The following JAM3 variants were observed in gnomAD, a reference collection of about 807,000 sequenced individuals.
The protein encoded by JAM3 is junctional adhesion molecule C.
A neutral mutation model predicts 39.4 loss-of-function variants in JAM3; 31 were observed. The observed-to-expected ratio is 0.79, with a 90% CI of 0.59 to 1.06. The LOEUF is 1.06. Among genes scored for constraint, JAM3 ranks in the 50% least tolerant of loss-of-function variants. The pLI, the probability that JAM3 is intolerant of heterozygous loss-of-function variation, is 0.00. For synonymous variants in JAM3, 182 were observed against 148.7 expected (o/e 1.22, Z -1.63); for missense variants, 455 against 391.4 (o/e 1.16, Z -1.37).
intron 1 of JAM3, 78 bp downstream of exon 1, chr11:134,069,237 C>T (rs1941446813): frequency 6.5e-7 from 1 of 1,541,464 alleles, no homozygotes; most frequent in Non-Finnish European, 8.8e-7. Flanking sequence ...GCTGCTGGAG[C>T]CGGTCCGGGC....
chr11:134,135,277 T>G (rs768888783), intron 1 of JAM3, among the ~76,000 whole-genome samples: 3 of 152,236 alleles, frequency 2.0e-5, no homozygotes, highest in Non-Finnish European at 4.4e-5. Context: ...AGGTTGTCCT[T>G]TCTCCATTAA....
intron 1 of JAM3, among the ~76,000 whole-genome samples, chr11:134,102,939 C>T (rs1216890589): frequency 6.6e-6 from 1 of 152,178 alleles, no homozygotes; most frequent in Non-Finnish European, 1.5e-5. Flanking sequence ...AAACACTCTG[C>T]AGGATATTAT....
Position 134,149,393 on chromosome 11 carries a change from C to G in JAM3, c.*212C>G. 2 of 637,016 alleles carry G rather than the reference C, an allele frequency of 3.1e-6. No individual in the cohort carries two copies. Among genetic ancestry groups the G allele is most frequent in the Non-Finnish European group, 5.6e-6 (2 of 359,768 alleles). 39.5% of individuals were successfully genotyped at this position (637,016 alleles called of 1,614,324 possible). A position where few individuals can be genotyped will look rare whatever the true frequency, so the allele number is the denominator to read the frequency against. ...CTCAAGATGGACCCGGTAAATATAA[C>G]CACAAGGAAGCGAAACTGGGTGCGT... On this transcript the variant is annotated 3_prime_UTR_variant, in exon 9 of 9. Coordinates refer to ENST00000299106, the MANE Select transcript of JAM3 (RefSeq NM_032801.5).
chr11:134,093,059 T>C, intron 1 of JAM3, among the ~76,000 whole-genome samples: 1 of 136,274 alleles, frequency 7.3e-6, no homozygotes. Flanking sequence ...TTCATCATGT[T>C]CCACCTTACA....
chr11:134,117,992 C>T (rs574392837), intron 1 of JAM3, among the ~76,000 whole-genome samples: 1 of 152,322 alleles, frequency 6.6e-6, no homozygotes, highest in South Asian at 2.1e-4. Flanking sequence ...TGAGAGCACA[C>T]ATTCCTCTCT....
chr11:134,082,406 T>C (rs1941681463), intron 1 of JAM3, among the ~76,000 whole-genome samples: 1 of 152,090 alleles, frequency 6.6e-6, no homozygotes, highest in Admixed American at 6.5e-5. Context: ...AATGATATGG[T>C]TTGGCTCTGT....
intron 1 of JAM3, among the ~76,000 whole-genome samples, chr11:134,129,916 C>A (rs890029482): frequency 6.6e-6 from 1 of 152,006 alleles, no homozygotes; most frequent in Non-Finnish European, 1.5e-5. Context: ...GCAGGAGAAT[C>A]GCTTAAACAT....
At chr11:134,124,868 G>A (rs530234594) in intron 1 of JAM3, among the ~76,000 whole-genome samples, 3 of 152,334 alleles carry the variant, frequency 2.0e-5, no homozygotes, top group East Asian at 1.9e-4. Flanking sequence ...CAGAATCGCC[G>A]TAAATGTGCA....
intron 1 of JAM3, among the ~76,000 whole-genome samples, chr11:134,112,643 C>A (rs1360503390): frequency 6.6e-6 from 1 of 152,136 alleles, no homozygotes; most frequent in Non-Finnish European, 1.5e-5. Flanking sequence ...CCCAACAATC[C>A]TATGAGGTAG....
chr11:134,105,525 T>G (rs941886143), intron 1 of JAM3, among the ~76,000 whole-genome samples: 12 of 152,046 alleles, frequency 7.9e-5, no homozygotes, highest in Non-Finnish European at 1.0e-4. Context: ...GAGAAAGAAA[T>G]AAAGGGTATT....
In JAM3 at chr11:134,106,805, T is replaced by C. The variant is rs531333797; in HGVS notation, c.77-33046T>C. Among the ~76,000 whole-genome samples the C allele has an allele frequency of 1.2e-4, 19 of 152,250 alleles. No individual in the cohort carries two copies. In the East Asian group the frequency reaches 3.5e-3, roughly 28 times the overall value. On this transcript the variant is annotated intron_variant, in intron 1 of 8. Transcript: ENST00000299106. ...AGATACCATCTCACACCAGTTAGAA[T>C]TGCGATCATTAAAAAGTCAGGAAAC...
chr11:134,134,411 A>C lies in JAM3; in HGVS notation c.77-5440A>C, dbSNP rs900852414. Reference sequence around the variant, plus strand: ...CAGGATAAATGCCAAAAAAAAAAAAAAAAAAAAAAAACATCTAGGCATATC... The same window carrying C: ...CAGGATAAATGCCAAAAAAAAAAAACAAAAAAAAAAACATCTAGGCATATC... On this transcript the variant is annotated intron_variant, in intron 1 of 8. Transcript: ENST00000299106. Among the ~76,000 whole-genome samples, 33 of 151,280 alleles carry C rather than the reference A, an allele frequency of 2.2e-4. 1 individual carries two copies. The highest frequency in any genetic ancestry group is 4.6e-4 in the Admixed American group (7 of 15,204).
chr11:134,113,594 A>C (rs907403809), intron 1 of JAM3, among the ~76,000 whole-genome samples: 1 of 152,134 alleles, frequency 6.6e-6, no homozygotes, highest in Non-Finnish European at 1.5e-5. Flanking sequence ...GTCTATCATT[A>C]ATGGACATTT....
At chr11:134,146,743 T>G (rs1943079754) in intron 6 of JAM3, among the ~76,000 whole-genome samples, 1 of 152,088 alleles carries the variant, frequency 6.6e-6, no homozygotes, top group Non-Finnish European at 1.5e-5. Flanking sequence ...AATTTTATTT[T>G]TTGTAGATAC....
chr11:134,105,905 T>A (rs1942175694), intron 1 of JAM3, among the ~76,000 whole-genome samples: 1 of 152,126 alleles, frequency 6.6e-6, no homozygotes, highest in Non-Finnish European at 1.5e-5. Context: ...ATCAATATCG[T>A]GAAAATGGCC....
chr11:134,126,077 T>C (rs1336243538), intron 1 of JAM3, among the ~76,000 whole-genome samples: 1 of 152,186 alleles, frequency 6.6e-6, no homozygotes, highest in Non-Finnish European at 1.5e-5. Flanking sequence ...GTGTTCTGTA[T>C]AGCTGGTAGG....
chr11:134,139,787 A>G (rs1942941230), intron 1 of JAM3, 64 bp from the exon 2 acceptor site: 3 of 1,263,476 alleles, frequency 2.4e-6, no homozygotes, highest in Admixed American at 1.7e-5. Flanking sequence ...ACCTGACCTC[A>G]GTGCAAGGTT....
chr11:134,107,013 C>G (rs993566275), intron 1 of JAM3, among the ~76,000 whole-genome samples: 5 of 152,162 alleles, frequency 3.3e-5, no homozygotes, highest in African/African-American at 9.7e-5. Flanking sequence ...AATCATACTG[C>G]TATAAAGACA....
intron 1 of JAM3, among the ~76,000 whole-genome samples, chr11:134,114,742 T>G (rs1044703724): frequency 7.2e-5 from 11 of 152,336 alleles, no homozygotes; most frequent in African/African-American, 2.4e-4. Context: ...TAAAACGTAT[T>G]GTGATTTGTT....
Sources: allele counts gnomAD v4.1 joint callset (sites outside exome capture counted in the v4.1 genomes callset), GRCh38; gene constraint gnomAD v4.1.1; transcripts MANE v1.5; gene names NCBI Gene and HGNC (gene_info 2026-07-23, HGNC 2026-07-21).